The following CUX2 variants were observed in gnomAD, a reference collection of about 807,000 sequenced individuals.
CUX2 encodes the protein cut like homeobox 2.
A neutral mutation model predicts 144.8 loss-of-function variants in CUX2; 40 were observed. That is an observed-to-expected ratio of 0.28 (90% CI 0.21 to 0.36). The LOEUF (loss-of-function observed/expected upper bound fraction) is 0.36. Among genes scored for constraint, CUX2 ranks in the 10% least tolerant of loss-of-function variants. CUX2 has a pLI of 1.00. For missense variants in CUX2, 1,615 were observed against 1,994.0 expected (o/e 0.81, Z 3.62); for synonymous variants, 827 against 875.6 (o/e 0.94, Z 0.98).
rs2136461915 is a variant in CUX2, at chr12:111,348,822, A to G, written c.*497A>G. Reference sequence around the variant, plus strand: ...TAAAAGAAGACAATTATTCAAAGCCATCACAAAACACTATAAGACTGACCA... The same window carrying G: ...TAAAAGAAGACAATTATTCAAAGCCGTCACAAAACACTATAAGACTGACCA... On this transcript the variant is annotated 3_prime_UTR_variant, in exon 22 of 22. Transcript: ENST00000261726. 1 of 155,608 alleles carries G rather than the reference A, an allele frequency of 6.4e-6. No homozygotes were observed. Among genetic ancestry groups the G allele is most frequent in the East Asian group, 1.9e-4 (1 of 5,234 alleles). The allele number at this position is 155,608 out of a possible 1,614,324, so 9.6% of individuals were successfully genotyped here.
At chr12:111,271,608 A>G (rs1383007795) in intron 4 of CUX2, among the ~76,000 whole-genome samples, 1 of 152,240 alleles carries the variant, frequency 6.6e-6, no homozygotes, top group African/African-American at 2.4e-5. Flanking sequence ...GGGAAGGAAA[A>G]GTACATTGTA....
rs149292098 is a variant in CUX2 at position 111,293,416 on chromosome 12, T to C, written c.437-30T>C. On this transcript the variant is annotated intron_variant, in intron 5 of 21. Coordinates refer to ENST00000261726, the MANE Select transcript of CUX2 (RefSeq NM_015267.4). The surrounding 1 kb of genome is among the most constrained non-coding windows in gnomAD (Gnocchi z 4.5). ...GGCTGCCACGTTGCTCTCTTGGCAA[T>C]GGGGGTTTTCCCTCTTTTTCTCCCT... The C allele has an allele frequency of 8.8e-6, 14 of 1,589,194 alleles. No individual in the cohort carries two copies. In the African/African-American group the frequency reaches 1.6e-4, roughly 18 times the overall value.
At chr12:111,177,490 A>C (rs1394414409) in intron 1 of CUX2, among the ~76,000 whole-genome samples, 1 of 152,114 alleles carries the variant, frequency 6.6e-6, no homozygotes, top group African/African-American at 2.4e-5. Flanking sequence ...TTCCAGGCTC[A>C]AGCAATTCTC....
chr12:111,141,227 A>AAC (rs111451932), intron 1 of CUX2, among the ~76,000 whole-genome samples: 15,176 of 147,344 alleles, frequency 0.1, 801 homozygotes, highest in African/African-American at 0.15. Flanking sequence ...GGCTTAGGTC[A>AAC]ACACACACAC....
At chr12:111,130,740 T>A (rs1875417857) in intron 1 of CUX2, among the ~76,000 whole-genome samples, 1 of 152,244 alleles carries the variant, frequency 6.6e-6, no homozygotes, top group African/African-American at 2.4e-5. Context: ...AATCTCTTCC[T>A]TTTAGATTAA....
intron 1 of CUX2, among the ~76,000 whole-genome samples, chr12:111,140,654 T>G (rs1876254625): frequency 6.6e-6 from 1 of 152,162 alleles, no homozygotes. Context: ...CAGGCTGCCG[T>G]GGTCCGAAGC....
At chr12:111,344,183 TCTC>T (rs1888697036) in intron 21 of CUX2, among the ~76,000 whole-genome samples, 2 of 152,344 alleles carry the variant, frequency 1.3e-5, no homozygotes, top group South Asian at 2.1e-4. Flanking sequence ...GGGGACATCT[TCTC>T]CTCTCTGATT....
rs569678646 is a variant in CUX2, at chr12:111,171,276, G to T, written c.64-42924G>T. Among the ~76,000 whole-genome samples the T allele has an allele frequency of 6.6e-6, 1 of 152,316 alleles. No individual in the cohort carries two copies. Among genetic ancestry groups the T allele is most frequent in the African/African-American group, 2.4e-5 (1 of 41,572 alleles). ...TTGACCTTGTTGGCAAGCCCGATCT[G>T]CAGGTCATCAGTTTGCAGTGATTTT... On this transcript the variant is annotated intron_variant, in intron 1 of 21. Transcript: ENST00000261726. This position sits in a 1 kb window ranked among gnomAD's most constrained non-coding sequence, Gnocchi z 5.0.
At chr12:111,122,767 G>A (rs1874769297) in intron 1 of CUX2, among the ~76,000 whole-genome samples, 1 of 152,242 alleles carries the variant, frequency 6.6e-6, no homozygotes, top group Non-Finnish European at 1.5e-5. Context: ...CCACCGGCTA[G>A]TTGCTCGTGG....
At chr12:111,145,249 C>T (rs1374094239) in intron 1 of CUX2, among the ~76,000 whole-genome samples, 1 of 152,222 alleles carries the variant, frequency 6.6e-6, no homozygotes, top group Admixed American at 6.5e-5. Context: ...TGTCCAAACC[C>T]CCTCTATCCA....
At chr12:111,150,649 G>A (rs1169619650) in intron 1 of CUX2, among the ~76,000 whole-genome samples, 1 of 149,936 alleles carries the variant, frequency 6.7e-6, no homozygotes, top group African/African-American at 2.5e-5. Context: ...CAGACGGCTG[G>A]ACCAAATCAC....
intron 1 of CUX2, among the ~76,000 whole-genome samples, chr12:111,055,254 C>G (rs1870463538): frequency 6.6e-6 from 1 of 152,256 alleles, no homozygotes; most frequent in African/African-American, 2.4e-5. Flanking sequence ...GCCCAAATTA[C>G]TGGGACAAGC....
intron 18 of CUX2, among the ~76,000 whole-genome samples, chr12:111,324,196 A>G (rs548883518): frequency 6.6e-6 from 1 of 152,052 alleles, no homozygotes; most frequent in Admixed American, 6.5e-5. Flanking sequence ...TAAAAATACA[A>G]AAAATTAGCT....
At chr12:111,109,398 G>T (rs1292161883) in intron 1 of CUX2, among the ~76,000 whole-genome samples, 2 of 152,184 alleles carry the variant, frequency 1.3e-5, no homozygotes, top group African/African-American at 4.8e-5. Flanking sequence ...GCCCATAGTT[G>T]CAAGTGTAAC....
rs1869605725 is a variant in CUX2, at chr12:111,039,032, C to CT, written c.63+4794dup. On this transcript the variant is annotated intron_variant, in intron 1 of 21. Coordinates refer to ENST00000261726, the MANE Select transcript of CUX2 (RefSeq NM_015267.4). The surrounding 1 kb of genome is among the most constrained non-coding windows in gnomAD (Gnocchi z 4.2). The stretch of plus-strand genomic sequence containing the variant: ...TTGACATTCTGTCATGGTAACCTTT[C>CT]TTCCGGCAGATGGGATTTCAAACGT... Among the ~76,000 whole-genome samples, 1 of 151,826 alleles carries CT rather than the reference C, an allele frequency of 6.6e-6. No homozygotes were observed. Among genetic ancestry groups the CT allele is most frequent in the Admixed American group, 6.6e-5 (1 of 15,252 alleles).
chr12:111,269,678 C>G (rs1034818646), intron 4 of CUX2, among the ~76,000 whole-genome samples: 1 of 152,098 alleles, frequency 6.6e-6, no homozygotes, highest in African/African-American at 2.4e-5. Context: ...GGGGGGTGTT[C>G]TTATGGGACC....
At chr12:111,247,131 A>T (rs1883315532) in intron 3 of CUX2, among the ~76,000 whole-genome samples, 1 of 152,164 alleles carries the variant, frequency 6.6e-6, no homozygotes, top group Non-Finnish European at 1.5e-5. Flanking sequence ...AGAGGGAGGC[A>T]TTTACTGGGA....
At chr12:111,338,530 C>T in intron 20 of CUX2, 56 bp downstream of exon 20, 1 of 1,518,902 alleles carries the variant, frequency 6.6e-7, no homozygotes, top group Non-Finnish European at 8.9e-7. Context: ...TTCCCCAGAA[C>T]CATATCTAGC....
At chr12:111,042,934 C>T (rs1009583557) in intron 1 of CUX2, among the ~76,000 whole-genome samples, 1 of 152,050 alleles carries the variant, frequency 6.6e-6, no homozygotes, top group East Asian at 1.9e-4. Flanking sequence ...CCGTGCCCAG[C>T]CTGTTTTGAG....
Sources: gnomAD v4.1 joint callset for allele counts (sites outside exome capture counted in the v4.1 genomes callset) on GRCh38, gnomAD v4.1.1 for gene constraint, Gnocchi (gnomAD v3.1) non-coding constraint, MANE v1.5 for transcripts, NCBI Gene and HGNC (gene_info 2026-07-23, HGNC 2026-07-21) for gene names.